The following SYT1 variants were observed in gnomAD, a reference collection of about 807,000 sequenced individuals.
The protein encoded by SYT1 is synaptotagmin 1.
SYT1 carries 8 observed loss-of-function variants against 44.8 expected under a neutral mutation model. The observed-to-expected ratio is 0.18, with a 90% CI of 0.10 to 0.32. The LOEUF (loss-of-function observed/expected upper bound fraction) is 0.32. Among genes scored for constraint, SYT1 ranks in the 10% least tolerant of loss-of-function variants. The pLI, the probability that SYT1 is intolerant of heterozygous loss-of-function variation, is 1.00. For synonymous variants in SYT1, 154 were observed against 188.8 expected (o/e 0.82, Z 1.51); for missense variants, 286 against 509.3 (o/e 0.56, Z 4.22).
chr12:79,252,999 G>T (rs549422870), intron 4 of SYT1, among the ~76,000 whole-genome samples: 1 of 152,080 alleles, frequency 6.6e-6, no homozygotes, highest in South Asian at 2.1e-4. Context: ...GGGAGCAAAG[G>T]CAAAAAGGAT....
intron 8 of SYT1, among the ~76,000 whole-genome samples, chr12:79,306,680 T>C (rs1204778137): frequency 6.6e-6 from 1 of 152,222 alleles, no homozygotes; most frequent in Non-Finnish European, 1.5e-5. Context: ...ATGTAAGTAT[T>C]AGGTTTTCTT....
At chr12:79,010,420 G>A (rs1871340135) in intron 2 of SYT1, among the ~76,000 whole-genome samples, 1 of 152,072 alleles carries the variant, frequency 6.6e-6, no homozygotes, top group Admixed American at 6.6e-5. Flanking sequence ...GTTTCCTTAT[G>A]TGTTCACAGC....
chr12:79,203,375 CACA>C (rs1476007331), intron 3 of SYT1, among the ~76,000 whole-genome samples: 1 of 152,110 alleles, frequency 6.6e-6, no homozygotes, highest in Non-Finnish European at 1.5e-5. Flanking sequence ...TTCCAGGTAC[CACA>C]GGCAAACACA....
intron 2 of SYT1, among the ~76,000 whole-genome samples, chr12:79,009,113 CTT>C (rs943374993): frequency 1.3e-5 from 2 of 152,058 alleles, no homozygotes; most frequent in African/African-American, 4.8e-5. Context: ...GAAGATACCT[CTT>C]TTTGTTATTA....
At chr12:79,410,506 C>CAAAAAAAAAAAA (rs5799432) in intron 9 of SYT1, among the ~76,000 whole-genome samples, 1 of 75,922 alleles carries the variant, frequency 1.3e-5, no homozygotes, top group Admixed American at 1.6e-4. Context: ...TGTTCAAAGT[C>CAAAAAAAAAAAA]AAAAAAAAAA....
At chr12:79,054,426 C>T (rs1874775004) in intron 3 of SYT1, among the ~76,000 whole-genome samples, 1 of 151,760 alleles carries the variant, frequency 6.6e-6, no homozygotes, top group African/African-American at 2.4e-5. Flanking sequence ...AAAGTAGAAC[C>T]CAAATCAAAA....
chr12:79,069,155 A>C (rs1311892169), intron 3 of SYT1, among the ~76,000 whole-genome samples: 2 of 152,172 alleles, frequency 1.3e-5, no homozygotes, highest in African/African-American at 4.8e-5. Flanking sequence ...CAGAAGAGAG[A>C]GAACAGGAAT....
intron 9 of SYT1, 125 bp downstream of exon 9, chr12:79,353,744 G>A: frequency 1.3e-6 from 1 of 744,902 alleles, no homozygotes; most frequent in Non-Finnish European, 2.4e-6. Flanking sequence ...ATGGAGCCTG[G>A]AAGCAGTCTC....
chr12:78,974,176 A>C (rs184096586), intron 1 of SYT1, among the ~76,000 whole-genome samples: 3 of 150,638 alleles, frequency 2.0e-5, no homozygotes, highest in Admixed American at 2.0e-4. Flanking sequence ...TTCAATGAAC[A>C]CTGTAGACAA....
chr12:78,907,710 A>C (rs146836126), intron 1 of SYT1, among the ~76,000 whole-genome samples: 2 of 152,158 alleles, frequency 1.3e-5, no homozygotes, highest in East Asian at 3.9e-4. Flanking sequence ...AAACACTCTG[A>C]TCTGCCTCCC....
intron 3 of SYT1, among the ~76,000 whole-genome samples, chr12:79,157,415 C>T (rs189672465): frequency 4.6e-5 from 7 of 152,228 alleles, no homozygotes; most frequent in South Asian, 4.1e-4. Flanking sequence ...ACCTCCATCC[C>T]GTCGCTATTT....
chr12:78,948,162 C>G (rs747365987), intron 1 of SYT1, among the ~76,000 whole-genome samples: 38 of 151,538 alleles, frequency 2.5e-4, no homozygotes, highest in Non-Finnish European at 4.4e-4. Flanking sequence ...ATTACTATAA[C>G]TCAGTATATT....
chr12:79,092,531 G>T (rs748424178), intron 3 of SYT1, among the ~76,000 whole-genome samples: 3 of 151,444 alleles, frequency 2.0e-5, no homozygotes, highest in Non-Finnish European at 4.4e-5. Flanking sequence ...TGTGGAAAAT[G>T]AAACATGAAA....
chr12:79,044,140 A>G lies in SYT1; in HGVS notation c.-83-3157A>G, dbSNP rs1396274527. On this transcript the variant is annotated intron_variant, in intron 2 of 10. Transcript: ENST00000261205. Reference sequence around the variant, plus strand: ...TCTTCTCGAGGAGTATCTTTGTGGCATTCTCTGTATTTCCTGAATCTGAAT... The same window carrying G: ...TCTTCTCGAGGAGTATCTTTGTGGCGTTCTCTGTATTTCCTGAATCTGAAT... Among the ~76,000 whole-genome samples the G allele has an allele frequency of 1.6e-4, 25 of 151,804 alleles. No homozygotes were observed. The East Asian group carries it at 2.6e-3, about 15-fold the overall frequency.
At chr12:78,956,332 A>G (rs2137316559) in intron 1 of SYT1, among the ~76,000 whole-genome samples, 1 of 152,238 alleles carries the variant, frequency 6.6e-6, no homozygotes, top group Non-Finnish European at 1.5e-5. Context: ...TTTGAATCCT[A>G]GCTCTTCTCC....
At chr12:79,067,219 GT>G (rs1875933405) in intron 3 of SYT1, among the ~76,000 whole-genome samples, 1 of 152,068 alleles carries the variant, frequency 6.6e-6, no homozygotes, top group Admixed American at 6.6e-5. Flanking sequence ...GTGAAAGGTA[GT>G]TTTCCCTTAT....
chr12:79,429,763 T>A (rs1593060719), intron 9 of SYT1, among the ~76,000 whole-genome samples: 1 of 152,186 alleles, frequency 6.6e-6, no homozygotes, highest in East Asian at 1.9e-4. Flanking sequence ...TCTCCTGACC[T>A]CGTGGATTTT....
chr12:78,882,633 C>T (rs73349510), intron 1 of SYT1, among the ~76,000 whole-genome samples: 2,236 of 151,698 alleles, frequency 0.015, 59 homozygotes, highest in African/African-American at 0.05. Flanking sequence ...GAAAATATTT[C>T]GGTAAACCCT....
chr12:79,121,315 A>C (rs572500926), intron 3 of SYT1, among the ~76,000 whole-genome samples: 1 of 152,202 alleles, frequency 6.6e-6, no homozygotes, highest in South Asian at 2.1e-4. Context: ...TTGGCATCTG[A>C]ATATGTTTTG....
Sources: allele counts gnomAD v4.1 joint callset (sites outside exome capture counted in the v4.1 genomes callset), GRCh38; gene constraint gnomAD v4.1.1; transcripts MANE v1.5; gene names NCBI Gene and HGNC (gene_info 2026-07-23, HGNC 2026-07-21).